Variants in PIN4 observed in about 807,000 individuals in gnomAD.
PIN4 encodes the protein peptidyl-prolyl cis-trans isomerase NIMA-interacting 4.
PIN4 carries 3 observed loss-of-function variants against 8.3 expected under a neutral mutation model. The observed-to-expected ratio is 0.36, with a 90% CI of 0.16 to 0.93. The LOEUF (loss-of-function observed/expected upper bound fraction) is 0.93. Ranked by LOEUF, PIN4 falls within the 40% of genes least tolerant of loss-of-function variation. The pLI is 0.44. For synonymous variants in PIN4, 18 were observed against 32.5 expected (o/e 0.55, Z 1.52); for missense variants, 75 against 100.6 (o/e 0.75, Z 1.09).
chrX:72,196,533 CAA>C (rs11284819), intron 2 of PIN4, among the ~76,000 whole-genome samples: 36 of 89,812 alleles, frequency 4.0e-4, no homozygotes, highest in South Asian at 1.6e-3. Flanking sequence ...GACTCCTTCT[CAA>C]AAAAAAAAAA....
At chrX:72,255,007 C>G (rs1159595015) in intron 3 of PIN4, among the ~76,000 whole-genome samples, 1 of 107,966 alleles carries the variant, frequency 9.3e-6, no homozygotes, top group Non-Finnish European at 1.9e-5. Context: ...GCAGGAACCC[C>G]GCTCTGGCGG....
intron 3 of PIN4, among the ~76,000 whole-genome samples, chrX:72,258,634 G>T (rs1159805062): frequency 9.0e-6 from 1 of 111,286 alleles, no homozygotes; most frequent in African/African-American, 3.3e-5. Context: ...CTCATGAGGG[G>T]CTCTGACATC....
chrX:72,261,311 A>AC (rs2043139152), intron 3 of PIN4, among the ~76,000 whole-genome samples: 1 of 108,898 alleles, frequency 9.2e-6, no homozygotes, highest in South Asian at 4.0e-4. Context: ...AAAAAAAAAA[A>AC]AAAACCAAAA....
chrX:72,236,377 C>A (rs1225063464), intron 3 of PIN4, among the ~76,000 whole-genome samples: 1 of 111,609 alleles, frequency 9.0e-6, no homozygotes. Flanking sequence ...CAGCTCGCTG[C>A]AACCTCCGCC....
chrX:72,262,770 G>C (rs762232589), exon 4 of PIN4: 1 of 1,136,613 alleles, frequency 8.8e-7, no homozygotes, highest in African/African-American at 1.8e-5. Flanking sequence ...CATCTCATTG[G>C]TATCATATTT....
At chrX:72,184,143 G>A (rs1362233841) in intron 1 of PIN4, among the ~76,000 whole-genome samples, 1 of 112,007 alleles carries the variant, frequency 8.9e-6, no homozygotes, top group Admixed American at 9.5e-5. Context: ...GTTTTGTTAG[G>A]CAGTTATGAT....
In PIN4 at chrX:72,197,908, T is replaced by A. The variant is rs2042774945; in HGVS notation, c.*382T>A. The A allele has an allele frequency of 1.3e-6, 1 of 752,265 alleles. No individual in the cohort carries two copies. The highest frequency in any genetic ancestry group is 1.6e-6 in the Non-Finnish European group (1 of 633,406). 62.0% of individuals were successfully genotyped at this position (752,265 alleles called of 1,213,427 possible). Reference sequence around the variant, plus strand: ...ACAACTGAAAATATTGGGCATCAAATAGATTAGTGTGTGAGAATCATAAAA... The same window carrying A: ...ACAACTGAAAATATTGGGCATCAAAAAGATTAGTGTGTGAGAATCATAAAA... On this transcript the variant is annotated 3_prime_UTR_variant, in exon 4 of 4. Transcript: ENST00000373669.
At chrX:72,260,932 C>T (rs979421655) in intron 3 of PIN4, among the ~76,000 whole-genome samples, 7 of 111,894 alleles carry the variant, frequency 6.3e-5, no homozygotes, top group Non-Finnish European at 1.1e-4. Flanking sequence ...AAGCCTTCCG[C>T]GGCCCTCTCT....
At chrX:72,193,269 T>C (rs1173126417) in intron 2 of PIN4, among the ~76,000 whole-genome samples, 1 of 111,256 alleles carries the variant, frequency 9.0e-6, no homozygotes, top group Non-Finnish European at 1.9e-5. Flanking sequence ...AGACAATCAC[T>C]TTGTGAGTAT....
At chrX:72,256,894 TC>T (rs1233640021) in intron 3 of PIN4, among the ~76,000 whole-genome samples, 1 of 111,989 alleles carries the variant, frequency 8.9e-6, no homozygotes, top group African/African-American at 3.2e-5. Flanking sequence ...TAGCAACTAG[TC>T]CAGGGTAGCT....
chrX:72,238,723 G>A (rs1187786691), intron 3 of PIN4: 9 of 608,508 alleles, frequency 1.5e-5, no homozygotes, highest in Non-Finnish European at 2.3e-5. Flanking sequence ...AGAAGAGCGC[G>A]AGCGCGCGTC....
chrX:72,222,866 G>A (rs904620278), intron 3 of PIN4, among the ~76,000 whole-genome samples: 5 of 106,833 alleles, frequency 4.7e-5, no homozygotes, highest in Non-Finnish European at 1.9e-5. Context: ...AAAGTGCTGG[G>A]ATTACAGGCA....
chrX:72,202,051 C>T (rs908103853), downstream of PIN4, among the ~76,000 whole-genome samples: 6 of 112,983 alleles, frequency 5.3e-5, no homozygotes, highest in Non-Finnish European at 1.1e-4. Flanking sequence ...ACTTGGCCTA[C>T]GCCCTGTGGA....
intron 3 of PIN4, among the ~76,000 whole-genome samples, chrX:72,243,208 G>A (rs1167889773): frequency 2.7e-5 from 3 of 110,466 alleles, no homozygotes; most frequent in Non-Finnish European, 5.7e-5. Flanking sequence ...TCAGCTACTC[G>A]AGAGGCTGAG....
Position 72,259,994 on chromosome X carries a change from C to T in PIN4, c.313-2713C>T, listed in dbSNP as rs779900795. Among the ~76,000 whole-genome samples, 3 of 109,608 alleles carry T rather than the reference C, an allele frequency of 2.7e-5. No homozygotes were observed. In the South Asian group the frequency reaches 1.2e-3, roughly 43 times the overall value. ...CCTGAAGTGATCTGCTTGCCTCAGC[C>T]TCCCAAAGTGCTGGGATTACAGGCA... is the stretch of plus-strand genomic sequence containing the variant. On this transcript the variant is annotated intron_variant, in intron 3 of 3. Transcript: ENST00000423432.
intron 3 of PIN4, among the ~76,000 whole-genome samples, chrX:72,240,522 G>A (rs921173275): frequency 5.4e-5 from 6 of 111,406 alleles, no homozygotes; most frequent in African/African-American, 2.0e-4. Context: ...AGGAATGTTG[G>A]AGGCCGGGTT....
At chrX:72,231,162 G>C (rs1331423293) in intron 3 of PIN4, among the ~76,000 whole-genome samples, 2 of 112,057 alleles carry the variant, frequency 1.8e-5, no homozygotes, top group Non-Finnish European at 3.8e-5. Flanking sequence ...CCAAGAAAAG[G>C]AAACAACCAA....
At chrX:72,205,655 T>TAAA (rs1036021606) in intron 3 of PIN4, 1 of 1,210,595 alleles carries the variant, frequency 8.3e-7, no homozygotes, top group Non-Finnish European at 1.1e-6. Context: ...GAGGTATCTT[T>TAAA]AAAAGAATCA....
rs200615272 is a variant in PIN4 at position 72,218,495 on chromosome X, C to CTT, written c.312+21604_312+21605dup. Among the ~76,000 whole-genome samples, 502 of 97,118 alleles carry CTT rather than the reference C, an allele frequency of 5.2e-3. 5 individuals carry two copies. The highest frequency in any genetic ancestry group is 0.018 in the African/African-American group (480 of 26,641). The allele number at this position is 97,118 out of a possible 115,157, so 84.3% of individuals were successfully genotyped here. A position where few individuals can be genotyped will look rare whatever the true frequency, so the allele number is the denominator to read the frequency against. On this transcript the variant is annotated intron_variant, in intron 3 of 3. Coordinates refer to the PIN4 transcript ENST00000423432. Reference sequence around the variant, plus strand: ...TATAATAGTTTGTCAATTTCTTTCTCTTTTTTTTTTTTTTGGAAACAAGAG... The same window carrying CTT: ...TATAATAGTTTGTCAATTTCTTTCTCTTTTTTTTTTTTTTTTGGAAACAAGAG...
Sources: gnomAD v4.1 joint callset for allele counts (sites outside exome capture counted in the v4.1 genomes callset) on GRCh38, gnomAD v4.1.1 for gene constraint, MANE v1.5 for transcripts, NCBI Gene and HGNC (gene_info 2026-07-23, HGNC 2026-07-21) for gene names.